The following SUPT3H variants were observed in gnomAD, a reference collection of about 807,000 sequenced individuals.
SUPT3H encodes the protein transcription initiation protein SPT3 homolog.
In SUPT3H, 44 loss-of-function variants were observed where a neutral mutation model predicts 44.3. That is an observed-to-expected ratio of 0.99 (90% CI 0.78 to 1.28). The LOEUF is 1.28. SUPT3H is among the 50% of genes most tolerant of loss of function. The pLI, the probability that SUPT3H is intolerant of heterozygous loss-of-function variation, is 0.00. For missense variants in SUPT3H, 380 were observed against 387.1 expected (o/e 0.98, Z 0.15); for synonymous variants, 124 against 125.6 (o/e 0.99, Z 0.09).
At chr6:45,229,744 ATGTT>A (rs934319932) in intron 2 of SUPT3H, among the ~76,000 whole-genome samples, 1 of 152,112 alleles carries the variant, frequency 6.6e-6, no homozygotes, top group African/African-American at 2.4e-5. Flanking sequence ...ATGTATGATA[ATGTT>A]TGTTACATGC....
At chr6:44,872,642 A>C (rs1022239527) in intron 10 of SUPT3H, among the ~76,000 whole-genome samples, 4 of 132,780 alleles carry the variant, frequency 3.0e-5, no homozygotes, top group African/African-American at 1.1e-4. Context: ...AAATTCAAAC[A>C]TAACAATATT....
intron 10 of SUPT3H, among the ~76,000 whole-genome samples, chr6:44,915,106 T>C (rs1490505477): frequency 6.6e-6 from 1 of 152,154 alleles, no homozygotes; most frequent in Admixed American, 6.5e-5. Flanking sequence ...TAAGAAGCCA[T>C]CTTGGGATAA....
At chr6:45,075,997 C>A (rs1283047957) in intron 3 of SUPT3H, among the ~76,000 whole-genome samples, 1 of 151,988 alleles carries the variant, frequency 6.6e-6, no homozygotes, top group Non-Finnish European at 1.5e-5. Context: ...TGGCCTGTTA[C>A]ATGTTTAGCT....
At chr6:45,084,169 G>A (rs1193961826) in intron 3 of SUPT3H, among the ~76,000 whole-genome samples, 1 of 152,116 alleles carries the variant, frequency 6.6e-6, no homozygotes, top group African/African-American at 2.4e-5. Flanking sequence ...AAGAGCTTCT[G>A]CACAGCAAAA....
chr6:45,152,990 C>T (rs1179080178), intron 2 of SUPT3H, among the ~76,000 whole-genome samples: 1 of 152,154 alleles, frequency 6.6e-6, no homozygotes, highest in Non-Finnish European at 1.5e-5. Context: ...CAAATACATT[C>T]CTCCCTAAAC....
intron 5 of SUPT3H, among the ~76,000 whole-genome samples, chr6:45,013,118 G>C (rs1291316220): frequency 6.6e-6 from 1 of 152,082 alleles, no homozygotes; most frequent in Non-Finnish European, 1.5e-5. Flanking sequence ...AATTGCTCCA[G>C]AGATTGATTG....
chr6:45,240,150 C>G lies in SUPT3H; in HGVS notation c.101+125051G>C, dbSNP rs143665705. ...ACCATCAAGACACCTGAAACCTTATCATGAGCCAGATGCCAAAGAAGACAT... is the reference window on the plus strand; with the variant it reads ...ACCATCAAGACACCTGAAACCTTATGATGAGCCAGATGCCAAAGAAGACAT... On this transcript the variant is annotated intron_variant, in intron 2 of 10. Transcript: ENST00000371459. 1.6e-3 allele frequency among the ~76,000 whole-genome samples: 249 copies of G among 152,282 alleles called. 3 individuals carry two copies. Among genetic ancestry groups the G allele is most frequent in the African/African-American group, 5.8e-3 (243 of 41,558 alleles).
chr6:45,267,527 G>GAT (rs1775446825), intron 2 of SUPT3H, among the ~76,000 whole-genome samples: 1 of 152,136 alleles, frequency 6.6e-6, no homozygotes, highest in Non-Finnish European at 1.5e-5. Context: ...AAATAGTTGA[G>GAT]ATATTAAGAA....
chr6:45,220,847 A>C (rs1387957029), intron 2 of SUPT3H, among the ~76,000 whole-genome samples: 1 of 152,180 alleles, frequency 6.6e-6, no homozygotes, highest in Non-Finnish European at 1.5e-5. Context: ...TGGAAATACC[A>C]TTTGACCCAG....
At chr6:45,279,089 AT>A (rs1777507883) in intron 2 of SUPT3H, among the ~76,000 whole-genome samples, 1 of 152,226 alleles carries the variant, frequency 6.6e-6, no homozygotes, top group South Asian at 2.1e-4. Context: ...TTAATTCTCG[AT>A]TAAGATACTT....
intron 2 of SUPT3H, among the ~76,000 whole-genome samples, chr6:45,124,308 A>G (rs935491859): frequency 6.6e-6 from 1 of 152,150 alleles, no homozygotes; most frequent in Non-Finnish European, 1.5e-5. Flanking sequence ...AAAACAAGCA[A>G]TCAACTTCAT....
At chr6:45,167,596 C>CG (rs1810098223) in intron 2 of SUPT3H, among the ~76,000 whole-genome samples, 2 of 150,616 alleles carry the variant, frequency 1.3e-5, no homozygotes, top group Non-Finnish European at 3.0e-5. Flanking sequence ...TGATCAAACT[C>CG]AACATTTTTT....
At chr6:45,263,398 A>G (rs4714848) in intron 2 of SUPT3H, among the ~76,000 whole-genome samples, 57,708 of 152,076 alleles carry the variant, frequency 0.38, 11,611 homozygotes, top group Non-Finnish European at 0.45. Flanking sequence ...ACCAAATACC[A>G]TATGTTCTCA....
At chr6:45,241,634 G>C (rs1016922893) in intron 2 of SUPT3H, among the ~76,000 whole-genome samples, 3 of 152,112 alleles carry the variant, frequency 2.0e-5, no homozygotes, top group Non-Finnish European at 2.9e-5. Context: ...CGCTATATTT[G>C]TGTGTGTGTC....
At chr6:45,061,843 G>C (rs1051084341) in intron 3 of SUPT3H, among the ~76,000 whole-genome samples, 10 of 148,332 alleles carry the variant, frequency 6.7e-5, no homozygotes, top group African/African-American at 2.5e-4. Flanking sequence ...TAAATTCAGA[G>C]TTACACCCCA....
chr6:45,353,738 G>A (rs988299486), intron 2 of SUPT3H, among the ~76,000 whole-genome samples: 1 of 151,542 alleles, frequency 6.6e-6, no homozygotes. Flanking sequence ...GAAGCAATAA[G>A]ATATATAAGA....
At chr6:45,049,781 C>T (rs1336315442) in intron 3 of SUPT3H, among the ~76,000 whole-genome samples, 1 of 152,138 alleles carries the variant, frequency 6.6e-6, no homozygotes, top group Non-Finnish European at 1.5e-5. Flanking sequence ...CTACCCAATT[C>T]TAATCCTTAT....
intron 2 of SUPT3H, among the ~76,000 whole-genome samples, chr6:45,302,514 A>AATATATATATATAT (rs10524207): frequency 2.7e-4 from 28 of 105,378 alleles, no homozygotes; most frequent in South Asian, 6.3e-4. Context: ...GTATCTCAGG[A>AATATATATATATAT]ATATATATAT....
rs1212860125 is a variant in SUPT3H at position 44,866,537 on chromosome 6, AAC to A, written c.913-36682_913-36681del. Among the ~76,000 whole-genome samples, 107 of 152,144 alleles carry A rather than the reference AAC, an allele frequency of 7.0e-4. 1 individual carries two copies. Among genetic ancestry groups the A allele is most frequent in the African/African-American group, 2.5e-3 (105 of 41,514 alleles). On this transcript the variant is annotated intron_variant, in intron 10 of 10. Transcript: ENST00000371459. ...CATCTCTTAGGAAAATAAAAAAAAA[AAC>A]ATAAAGCTTTACAACTGTCTTCTAT... is the stretch of plus-strand genomic sequence containing the variant.
Sources: allele counts gnomAD v4.1 joint callset (sites outside exome capture counted in the v4.1 genomes callset), GRCh38; gene constraint gnomAD v4.1.1; transcripts MANE v1.5; gene names NCBI Gene and HGNC (gene_info 2026-07-23, HGNC 2026-07-21).